The following PCDH9 variants were observed in gnomAD, a reference collection of about 807,000 sequenced individuals.
PCDH9 encodes protocadherin 9, also known as protocadherin-9.
Under a neutral mutation model 70.6 loss-of-function variants are expected in PCDH9, and 24 were observed. The ratio of observed to expected loss-of-function variants is 0.34; its 90% confidence interval spans 0.25 to 0.48. PCDH9 has a LOEUF of 0.48. Among genes scored for constraint, PCDH9 ranks in the 20% least tolerant of loss-of-function variants. The pLI is 0.99. For synonymous variants in PCDH9, 562 were observed against 558.5 expected, an observed-to-expected ratio of 1.01 and a Z score of -0.09; for missense variants, 1,281 against 1,503.6, an observed-to-expected ratio of 0.85 and a Z score of 2.45.
At chr13:67,139,281 C>T (rs1364363142) in intron 2 of PCDH9, among the ~76,000 whole-genome samples, 5 of 152,234 alleles carry the variant, frequency 3.3e-5, no homozygotes, top group African/African-American at 1.2e-4. Flanking sequence ...GTTCTGACTG[C>T]TCAACATTGC....
At chr13:66,535,845 GC>G (rs56887828) in intron 4 of PCDH9, among the ~76,000 whole-genome samples, 1 of 151,930 alleles carries the variant, frequency 6.6e-6, no homozygotes, top group Non-Finnish European at 1.5e-5. Flanking sequence ...ATCATTGGCA[GC>G]CCCCACTATA....
At chr13:66,612,960 T>C (rs989137813) in intron 4 of PCDH9, among the ~76,000 whole-genome samples, 3 of 152,182 alleles carry the variant, frequency 2.0e-5, no homozygotes, top group South Asian at 2.1e-4. Flanking sequence ...TGCAACATTT[T>C]TGGCATGCAA....
At chr13:67,081,238 G>A (rs2085976871) in intron 2 of PCDH9, among the ~76,000 whole-genome samples, 1 of 152,134 alleles carries the variant, frequency 6.6e-6, no homozygotes. Flanking sequence ...GTTATGTTTT[G>A]AGCATTGCAG....
chr13:66,637,845 C>T (rs1593818837), intron 3 of PCDH9, among the ~76,000 whole-genome samples: 1 of 150,466 alleles, frequency 6.6e-6, no homozygotes. Flanking sequence ...ACCTGGGAGA[C>T]GGAGCTTGCA....
At chr13:66,932,681 T>TATATATATATATACATATAC (rs1313632174) in intron 2 of PCDH9, among the ~76,000 whole-genome samples, 2 of 114,842 alleles carry the variant, frequency 1.7e-5, no homozygotes, top group Non-Finnish European at 3.6e-5. Flanking sequence ...TATATATATA[T>TATATATATATATACATATAC]ACACACACAC....
intron 2 of PCDH9, among the ~76,000 whole-genome samples, chr13:67,060,102 A>T (rs1053195151): frequency 2.6e-5 from 4 of 151,858 alleles, no homozygotes; most frequent in African/African-American, 9.7e-5. Context: ...ACATCACTTG[A>T]TCTTCACTAT....
At chr13:66,456,392 G>A (rs191527428) in intron 4 of PCDH9, among the ~76,000 whole-genome samples, 1 of 152,108 alleles carries the variant, frequency 6.6e-6, no homozygotes, top group East Asian at 1.9e-4. Context: ...CTCCTGAGCG[G>A]CTAGGACTAC....
chr13:66,496,829 A>T (rs140975070), intron 4 of PCDH9, among the ~76,000 whole-genome samples: 43 of 152,320 alleles, frequency 2.8e-4, no homozygotes, highest in African/African-American at 8.2e-4. Flanking sequence ...GGCAAAAAAG[A>T]AAAGGGTTTT....
In PCDH9 at chr13:66,399,520, G is replaced by A. The variant is rs376770567; in HGVS notation, c.3341-94492C>T. 1.4e-3 allele frequency among the ~76,000 whole-genome samples: 211 copies of A among 152,268 alleles called. 2 individuals carry two copies. Among genetic ancestry groups the A allele is most frequent in the African/African-American group, 4.9e-3 (205 of 41,552 alleles). On this transcript the variant is annotated intron_variant, in intron 4 of 4. Coordinates refer to ENST00000377865, the MANE Select transcript of PCDH9 (RefSeq NM_203487.3). The stretch of plus-strand genomic sequence containing the variant: ...ACTGATACTTGTTTGGAATTAGAAT[G>A]AGAGAGTCAGAGTAAGTAAATATGA...
chr13:66,928,484 A>G (rs1440009733), intron 2 of PCDH9, among the ~76,000 whole-genome samples: 1 of 152,106 alleles, frequency 6.6e-6, no homozygotes, highest in Non-Finnish European at 1.5e-5. Context: ...CATATTACAC[A>G]TTGCTATAGT....
At chr13:66,431,985 T>C (rs1322996426) in intron 4 of PCDH9, among the ~76,000 whole-genome samples, 1 of 152,024 alleles carries the variant, frequency 6.6e-6, no homozygotes, top group Admixed American at 6.6e-5. Context: ...TATTTCTAAA[T>C]AGTTTCTCAA....
intron 4 of PCDH9, among the ~76,000 whole-genome samples, chr13:66,339,667 G>A (rs1191756361): frequency 1.3e-5 from 2 of 151,998 alleles, no homozygotes; most frequent in African/African-American, 4.8e-5. Context: ...TTTACATTAG[G>A]AAATAGACAA....
intron 2 of PCDH9, among the ~76,000 whole-genome samples, chr13:67,095,976 T>C (rs747320652): frequency 1.1e-4 from 17 of 152,196 alleles, no homozygotes; most frequent in Non-Finnish European, 2.5e-4. Flanking sequence ...TAGAACAGAA[T>C]GGTAACTTGT....
intron 4 of PCDH9, among the ~76,000 whole-genome samples, chr13:66,492,032 A>G (rs943606611): frequency 6.6e-6 from 1 of 152,290 alleles, no homozygotes; most frequent in East Asian, 1.9e-4. Flanking sequence ...GTATGACTCA[A>G]TTTGGATCAA....
At chr13:66,425,532 G>A (rs1191936628) in intron 4 of PCDH9, among the ~76,000 whole-genome samples, 1 of 150,816 alleles carries the variant, frequency 6.6e-6, no homozygotes, top group Admixed American at 6.6e-5. Flanking sequence ...TCCAGTAGTT[G>A]CAGAAGTTAT....
chr13:66,623,621 G>A (rs1350910013), intron 4 of PCDH9, among the ~76,000 whole-genome samples: 1 of 151,910 alleles, frequency 6.6e-6, no homozygotes, highest in African/African-American at 2.4e-5. Context: ...AATTTTTTTT[G>A]TACAGACACG....
chr13:67,026,259 C>G (rs560432753), intron 2 of PCDH9, among the ~76,000 whole-genome samples: 2 of 152,180 alleles, frequency 1.3e-5, no homozygotes, highest in Admixed American at 6.5e-5. Flanking sequence ...GTATTTTATT[C>G]AGGATTTTTG....
chr13:66,378,748 A>G (rs1004958917), intron 4 of PCDH9, among the ~76,000 whole-genome samples: 4 of 152,204 alleles, frequency 2.6e-5, no homozygotes, highest in African/African-American at 9.6e-5. Context: ...ACTACCTATA[A>G]ATTAAGCTGT....
intron 2 of PCDH9, among the ~76,000 whole-genome samples, chr13:67,096,776 G>A (rs527491500): frequency 2.9e-4 from 44 of 152,072 alleles, no homozygotes; most frequent in African/African-American, 1.0e-3. Flanking sequence ...TGGTGATGGG[G>A]GGAAACTGCA....
Sources: allele counts gnomAD v4.1 joint callset (sites outside exome capture counted in the v4.1 genomes callset), GRCh38; gene constraint gnomAD v4.1.1; transcripts MANE v1.5; gene names NCBI Gene and HGNC (gene_info 2026-07-23, HGNC 2026-07-21).